DACH1: variants seen among roughly 807,000 people sequenced by gnomAD.
DACH1 encodes dachshund family transcription factor 1.
A neutral mutation model predicts 54.2 loss-of-function variants in DACH1; 12 were observed. The observed-to-expected ratio is 0.22, with a 90% confidence interval of 0.14 to 0.36. The LOEUF (loss-of-function observed/expected upper bound fraction) is 0.36. Ranked by LOEUF, DACH1 falls within the 10% of genes least tolerant of loss-of-function variation. The pLI is 1.00. For missense variants in DACH1, 805 were observed against 929.8 expected (o/e 0.87, Z 1.75); for synonymous variants, 386 against 366.2 (o/e 1.05, Z -0.62).
chr13:71,863,931 G>A (rs770861696), intron 1 of DACH1, among the ~76,000 whole-genome samples: 3 of 151,398 alleles, frequency 2.0e-5, no homozygotes, highest in Non-Finnish European at 4.4e-5. Flanking sequence ...TGGATAGGCA[G>A]ACAATTTTAT....
chr13:71,790,647 T>C (rs1280606522), intron 1 of DACH1, among the ~76,000 whole-genome samples: 1 of 152,142 alleles, frequency 6.6e-6, no homozygotes, highest in Non-Finnish European at 1.5e-5. Context: ...ACTTGAAAAA[T>C]GCATTTCATT....
At chr13:71,786,804 C>T (rs1886611432) in intron 1 of DACH1, among the ~76,000 whole-genome samples, 1 of 151,964 alleles carries the variant, frequency 6.6e-6, no homozygotes, top group South Asian at 2.1e-4. Flanking sequence ...GAAAAAAAAG[C>T]TTTTCTAATG....
chr13:71,617,040 C>T (rs555066288), intron 3 of DACH1, among the ~76,000 whole-genome samples: 24 of 152,058 alleles, frequency 1.6e-4, no homozygotes, highest in Admixed American at 4.6e-4. Context: ...CACCATCACG[C>T]CCGGCTTTAT....
intron 6 of DACH1, among the ~76,000 whole-genome samples, chr13:71,497,086 G>A (rs1879501778): frequency 6.6e-6 from 1 of 152,118 alleles, no homozygotes; most frequent in African/African-American, 2.4e-5. Flanking sequence ...TCTCTTATTT[G>A]AGACTCATTT....
At chr13:71,817,901 G>C (rs1392623272) in intron 1 of DACH1, among the ~76,000 whole-genome samples, 1 of 139,796 alleles carries the variant, frequency 7.2e-6, no homozygotes, top group Non-Finnish European at 1.5e-5. Context: ...TGCAACCTCT[G>C]CCTCCCAGGT....
At chr13:71,725,755 T>C (rs58116427) in intron 1 of DACH1, among the ~76,000 whole-genome samples, 3,265 of 152,174 alleles carry the variant, frequency 0.021, 87 homozygotes, top group African/African-American at 0.061. Context: ...GGATATTTTG[T>C]TTGGATATTG....
chr13:71,748,862 CTTTCTTTCTTTCTTTCTTTCTTTCT>C (rs1255838638), intron 1 of DACH1, among the ~76,000 whole-genome samples: 22 of 23,084 alleles, frequency 9.5e-4, no homozygotes, highest in African/African-American at 1.8e-3. Context: ...TTCTTTCTTT[CTTTCTTTCTTTCTTTCTTTCTTTCT>C]TTCTTTCTTT....
chr13:71,787,496 C>CA (rs1886646584), intron 1 of DACH1, among the ~76,000 whole-genome samples: 1 of 152,192 alleles, frequency 6.6e-6, no homozygotes, highest in Non-Finnish European at 1.5e-5. Flanking sequence ...TGATGATGAA[C>CA]CATTAAAGTT....
intron 6 of DACH1, among the ~76,000 whole-genome samples, chr13:71,497,436 G>T (rs1212738671): frequency 1.3e-5 from 2 of 151,606 alleles, no homozygotes; most frequent in Non-Finnish European, 2.9e-5. Context: ...GGTTCAGGTG[G>T]TTCTCCTGCC....
rs531627886 is a variant in DACH1 at position 71,569,998 on chromosome 13, CA to C, written c.1299+2841del. Among the ~76,000 whole-genome samples the C allele has an allele frequency of 3.4e-4, 52 of 152,132 alleles. 1 individual carries two copies. Among genetic ancestry groups the C allele is most frequent in the Admixed American group, 2.4e-3 (36 of 15,274 alleles). ...TCCATATTCTAGTTATCCACGTGTC[CA>C]ATACTGTTAAAGGTGACATAGGAGT... On this transcript the variant is annotated intron_variant, in intron 4 of 10. Transcript: ENST00000613252.
At chr13:71,696,559 T>C (rs979458554) in intron 1 of DACH1, among the ~76,000 whole-genome samples, 1 of 152,140 alleles carries the variant, frequency 6.6e-6, no homozygotes, top group Non-Finnish European at 1.5e-5. Context: ...ACTTTTTTTT[T>C]TTTTTGAGAC....
intron 6 of DACH1, among the ~76,000 whole-genome samples, chr13:71,553,645 ATATATAG>A (rs954112452): frequency 7.1e-5 from 10 of 141,556 alleles, no homozygotes; most frequent in Non-Finnish European, 1.0e-4. Flanking sequence ...TGTATTTTAT[ATATATAG>A]TATATATATA....
At chr13:71,504,407 C>T (rs1018786165) in intron 6 of DACH1, among the ~76,000 whole-genome samples, 1 of 151,844 alleles carries the variant, frequency 6.6e-6, no homozygotes, top group Non-Finnish European at 1.5e-5. Flanking sequence ...GTATGAATGC[C>T]TCATATTTAT....
intron 1 of DACH1, among the ~76,000 whole-genome samples, chr13:71,811,740 G>A (rs570803384): frequency 7.2e-4 from 109 of 152,222 alleles, no homozygotes; most frequent in African/African-American, 2.5e-3. Context: ...GCATCCTTTG[G>A]CAAAACATCT....
At chr13:71,808,237 A>G (rs1887585828) in intron 1 of DACH1, among the ~76,000 whole-genome samples, 1 of 152,130 alleles carries the variant, frequency 6.6e-6, no homozygotes, top group Non-Finnish European at 1.5e-5. Flanking sequence ...ATTCTATTTC[A>G]TAGTTGTAAT....
intron 2 of DACH1, among the ~76,000 whole-genome samples, chr13:71,678,862 G>A (rs1880724299): frequency 6.6e-6 from 1 of 152,004 alleles, no homozygotes; most frequent in Non-Finnish European, 1.5e-5. Flanking sequence ...ACCTTGCTAT[G>A]TTGCCCAGGC....
At chr13:71,536,711 G>A (rs965980189) in intron 6 of DACH1, among the ~76,000 whole-genome samples, 1 of 152,078 alleles carries the variant, frequency 6.6e-6, no homozygotes, top group Non-Finnish European at 1.5e-5. Flanking sequence ...GTGGGTTGAA[G>A]GTGGTTGACA....
At chr13:71,498,036 G>A (rs1018735690) in intron 6 of DACH1, among the ~76,000 whole-genome samples, 1 of 152,002 alleles carries the variant, frequency 6.6e-6, no homozygotes, top group African/African-American at 2.4e-5. Flanking sequence ...TTGAGTTTGA[G>A]TGAATAAAAG....
intron 1 of DACH1, among the ~76,000 whole-genome samples, chr13:71,743,698 G>T (rs1395386409): frequency 6.6e-6 from 1 of 152,016 alleles, no homozygotes; most frequent in Non-Finnish European, 1.5e-5. Context: ...AGATTTTATG[G>T]CTTTATAAAT....
Sources: allele counts gnomAD v4.1 joint callset (sites outside exome capture counted in the v4.1 genomes callset), GRCh38; gene constraint gnomAD v4.1.1; transcripts MANE v1.5; gene names NCBI Gene and HGNC (gene_info 2026-07-23, HGNC 2026-07-21).